TJP1: variants seen among roughly 807,000 people sequenced by gnomAD.
The protein encoded by TJP1 is tight junction protein ZO-1.
In TJP1, 43 loss-of-function variants were observed where a neutral mutation model predicts 194.2. The observed-to-expected ratio is 0.22, with a 90% CI of 0.17 to 0.29. TJP1 has a LOEUF of 0.29. Ranked by LOEUF, TJP1 falls within the 10% of genes least tolerant of loss-of-function variation. The pLI is 1.00. For synonymous variants in TJP1, 801 were observed against 779.0 expected (o/e 1.03, Z -0.47); for missense variants, 1,971 against 2,185.7 (o/e 0.90, Z 1.96).
intron 8 of TJP1, among the ~76,000 whole-genome samples, chr15:29,757,940 T>C (rs1411810961): frequency 6.6e-6 from 1 of 152,172 alleles, no homozygotes; most frequent in Non-Finnish European, 1.5e-5. Context: ...GACGACTAAA[T>C]GTGAAAACAA....
chr15:29,840,242 G>A (rs1393516086), intron 2 of TJP1, among the ~76,000 whole-genome samples: 1 of 152,120 alleles, frequency 6.6e-6, no homozygotes, highest in Non-Finnish European at 1.5e-5. Context: ...GGTTGATTCT[G>A]ATGTGTTCTA....
At chr15:29,800,378 C>A (rs1017946550) in intron 2 of TJP1, 23 of 477,422 alleles carry the variant, frequency 4.8e-5, no homozygotes, top group Non-Finnish European at 8.1e-5. Flanking sequence ...TGTACAGAGT[C>A]TTTTATCTGA....
In TJP1 at chr15:29,868,237, G is replaced by A. The variant is rs115156986; in HGVS notation, c.307-67535C>T. Among the ~76,000 whole-genome samples the A allele has an allele frequency of 3.9e-3, 588 of 152,124 alleles. 5 individuals carry two copies. Among genetic ancestry groups the A allele is most frequent in the African/African-American group, 0.014 (570 of 41,510 alleles). On this transcript the variant is annotated intron_variant, in intron 2 of 28. Coordinates refer to the TJP1 transcript ENST00000356107. The stretch of plus-strand genomic sequence containing the variant: ...CCTCTCTCAAAAGGAAAAAATCAGC[G>A]GCAATAGCTCCTAATTCCCTCTTTG...
rs557879200 is a variant in TJP1, at chr15:29,700,315, C to T, written c.*1280G>A. The T allele has an allele frequency of 7.5e-6, 3 of 398,842 alleles. No homozygotes were observed. The highest frequency in any genetic ancestry group is 2.5e-4 in the South Asian group (2 of 7,852). 24.7% of individuals were successfully genotyped at this position (398,842 alleles called of 1,614,324 possible). ...TAAATTGTCTATTAGTAAAAAAATA[C>T]ACTTTAGGGCACAGCATTGTATCAC... On this transcript the variant is annotated 3_prime_UTR_variant, in exon 28 of 28. Coordinates refer to ENST00000614355, the MANE Select transcript of TJP1 (RefSeq NM_001330239.4).
intron 5 of TJP1, among the ~76,000 whole-genome samples, chr15:29,764,927 T>C (rs1315063892): frequency 6.6e-6 from 1 of 152,028 alleles, no homozygotes; most frequent in African/African-American, 2.4e-5. Context: ...CCTAAATTAA[T>C]TGTTATTCAA....
chr15:29,862,891 G>A (rs1019038306), intron 2 of TJP1, among the ~76,000 whole-genome samples: 10 of 151,004 alleles, frequency 6.6e-5, no homozygotes, highest in African/African-American at 1.2e-4. Context: ...TTCGTGATCC[G>A]CCCGCCTCGG....
chr15:29,816,026 T>G (rs2049892351), intron 1 of TJP1, among the ~76,000 whole-genome samples: 1 of 152,042 alleles, frequency 6.6e-6, no homozygotes, highest in Non-Finnish European at 1.5e-5. Context: ...CTTTTTTTTT[T>G]TTGAGACAGA....
intron 1 of TJP1, among the ~76,000 whole-genome samples, chr15:29,804,791 G>A (rs1474920651): frequency 4.6e-5 from 7 of 152,140 alleles, no homozygotes; most frequent in Non-Finnish European, 8.8e-5. Flanking sequence ...ATTTAGGCTT[G>A]TAGGAGACCA....
At chr15:29,831,184 T>C (rs1286875267) in intron 2 of TJP1, among the ~76,000 whole-genome samples, 1 of 152,230 alleles carries the variant, frequency 6.6e-6, no homozygotes, top group African/African-American at 2.4e-5. Flanking sequence ...TTGTATGAAC[T>C]TTATTTCAGA....
At chr15:29,793,866 G>C (rs1380042885) in intron 2 of TJP1, among the ~76,000 whole-genome samples, 2 of 152,140 alleles carry the variant, frequency 1.3e-5, no homozygotes, top group African/African-American at 2.4e-5. Context: ...TGATTACAAT[G>C]AATGATCTTT....
At chr15:29,801,179 C>A (rs775050903) in intron 1 of TJP1, among the ~76,000 whole-genome samples, 1 of 152,142 alleles carries the variant, frequency 6.6e-6, no homozygotes, top group African/African-American at 2.4e-5. Flanking sequence ...GCTGCTTTAA[C>A]GTCACAAACA....
chr15:29,734,467 C>T, intron 11 of TJP1, 85 bp from the exon 12 acceptor site: 1 of 981,570 alleles, frequency 1.0e-6, no homozygotes, highest in Non-Finnish European at 1.5e-6. Context: ...TCTCAGTCTA[C>T]CTAATTTGAA....
At chr15:29,800,747 T>C in intron 1 of TJP1, 45 bp from the exon 2 acceptor site, 1 of 1,595,696 alleles carries the variant, frequency 6.3e-7, no homozygotes, top group East Asian at 2.2e-5. Context: ...TTTAAGAAAA[T>C]GTCCTTAATA....
chr15:29,782,670 G>C (rs1194960264), intron 2 of TJP1, among the ~76,000 whole-genome samples: 4 of 152,072 alleles, frequency 2.6e-5, no homozygotes, highest in Non-Finnish European at 4.4e-5. Flanking sequence ...AAAAGCAACT[G>C]CAACAAAAGC....
intron 8 of TJP1, among the ~76,000 whole-genome samples, chr15:29,754,948 AAAC>A (rs1263002955): frequency 6.6e-6 from 1 of 152,226 alleles, no homozygotes; most frequent in Non-Finnish European, 1.5e-5. Context: ...ATGCTGACGA[AAAC>A]AATTATGGAA....
chr15:29,965,727 T>C lies in TJP1; in HGVS notation c.173+2940A>G, dbSNP rs192118814. ...ATCTAAAAAATAAATCCAAAGCGTA[T>C]AAGAGAAAAATAAATCTGGCGGCAC... On this transcript the variant is annotated intron_variant, in intron 1 of 28. Coordinates refer to the TJP1 transcript ENST00000356107. 7.9e-5 allele frequency among the ~76,000 whole-genome samples: 12 copies of C among 152,264 alleles called. No homozygotes were observed. In the East Asian group the frequency reaches 2.1e-3, roughly 27 times the overall value.
At chr15:29,800,501 T>A in intron 2 of TJP1, 145 bp downstream of exon 2, 1 of 709,252 alleles carries the variant, frequency 1.4e-6, no homozygotes, top group East Asian at 2.8e-5. Flanking sequence ...AATAAAAAAT[T>A]ATTGTAACTC....
At chr15:29,780,806 TA>T (rs1471381982) in intron 2 of TJP1, among the ~76,000 whole-genome samples, 2 of 152,070 alleles carry the variant, frequency 1.3e-5, no homozygotes, top group Non-Finnish European at 2.9e-5. Flanking sequence ...GATAGGAATA[TA>T]AGACCAAAAA....
intron 1 of TJP1, among the ~76,000 whole-genome samples, chr15:29,818,236 T>G: frequency 6.6e-6 from 1 of 152,308 alleles, no homozygotes; most frequent in East Asian, 1.9e-4. Flanking sequence ...TAAATTAAAT[T>G]TTATTGCTTC....
Sources: allele counts gnomAD v4.1 joint callset (sites outside exome capture counted in the v4.1 genomes callset), GRCh38; gene constraint gnomAD v4.1.1; transcripts MANE v1.5; gene names NCBI Gene and HGNC (gene_info 2026-07-23, HGNC 2026-07-21).